INTS10: variants seen among roughly 807,000 people sequenced by gnomAD.
INTS10 encodes chromosome 8 open reading frame 35.
INTS10 carries 44 observed loss-of-function variants against 94.4 expected under a neutral mutation model. The ratio of observed to expected loss-of-function variants is 0.47; its 90% confidence interval spans 0.37 to 0.60. The LOEUF is 0.60. Among genes scored for constraint, INTS10 ranks in the 20% least tolerant of loss-of-function variants. The probability of loss-of-function intolerance (pLI) is 0.00; values close to 1 mark genes in which losing one functional copy is unlikely to be tolerated. For synonymous variants in INTS10, 341 were observed against 320.7 expected (o/e 1.06, Z -0.68); for missense variants, 797 against 868.7 (o/e 0.92, Z 1.04).
chr8:19,829,494 A>G (rs990711719), intron 9 of INTS10, among the ~76,000 whole-genome samples: 4 of 152,088 alleles, frequency 2.6e-5, no homozygotes, highest in African/African-American at 9.7e-5. Flanking sequence ...AGAAATGTGT[A>G]TTGTAAAATA....
chr8:19,827,114 T>C (rs2066858825), intron 9 of INTS10, among the ~76,000 whole-genome samples: 1 of 152,156 alleles, frequency 6.6e-6, no homozygotes, highest in Non-Finnish European at 1.5e-5. Context: ...AGGTAGATTT[T>C]GTTGAGAGGG....
intron 4 of INTS10, chr8:19,821,829 A>G (rs1273662206): frequency 3.9e-5 from 6 of 152,014 alleles, no homozygotes; most frequent in Non-Finnish European, 8.8e-5. Context: ...GTGTGATGTA[A>G]TCTTTCGCAC....
chr8:19,843,323 G>A lies in INTS10; in HGVS notation c.1719+396G>A, dbSNP rs528684651. Among the ~76,000 whole-genome samples, 1 of 152,190 alleles carries A rather than the reference G, an allele frequency of 6.6e-6. No homozygotes were observed. The highest frequency in any genetic ancestry group is 1.9e-4 in the East Asian group (1 of 5,184). ...CTAGATTAAGCATGTTAGGTGTTGA[G>A]ATCAACACCAGTAACAGCCCAACAG... On this transcript the variant is annotated intron_variant, in intron 14 of 16. Transcript: ENST00000397977. The surrounding 1 kb of genome is among the most constrained non-coding windows in gnomAD (Gnocchi z 4.7).
rs1483158285 is a variant in INTS10, at chr8:19,817,676, C to T, written c.129+10C>T. ...AGACTTTAACATCCAGGTGAGGTCC[C>T]GGCTGTGCATGCGGCCGCTCTGCGT... On this transcript the variant is annotated intron_variant, in intron 1 of 16. Transcript: ENST00000397977. 3 of 1,601,260 alleles carry T rather than the reference C, an allele frequency of 1.9e-6. No homozygotes were observed. In the African/African-American group the frequency reaches 4.0e-5, roughly 21 times the overall value.
chr8:19,837,091 G>A lies in INTS10; in HGVS notation c.1570G>A (p.Val524Ile). Residue 524 changes from valine (V) to isoleucine (I), a missense_variant, in exon 13 of 17, where the codon GTA becomes ATA. By Grantham distance (29) the Val-to-Ile change is conservative. Transcript: ENST00000397977. ...AGTCCTTGATTTGATGTGCTACATG[G>A]TACTCCCCATTCAAGATGGAGGCAA... Reference protein sequence around the residue: ...EKVLDLMCYMVLPIQDGGKSQ... With the variant: ...EKVLDLMCYMILPIQDGGKSQ... 1 of 1,613,852 alleles carries A rather than the reference G, an allele frequency of 6.2e-7. No homozygotes were observed. Among genetic ancestry groups the A allele is most frequent in the South Asian group, 1.1e-5 (1 of 91,070 alleles).
chr8:19,839,055 G>A (rs1481669663), intron 13 of INTS10, among the ~76,000 whole-genome samples: 1 of 151,904 alleles, frequency 6.6e-6, no homozygotes, highest in Non-Finnish European at 1.5e-5. Flanking sequence ...CTGGGCGACA[G>A]AGTGAGACTC....
chr8:19,818,258 C>A lies in INTS10; in HGVS notation c.130-17C>A. On this transcript the variant is annotated splice_polypyrimidine_tract_variant and intron_variant, in intron 1 of 16. Transcript: ENST00000397977. ...TGGGCAGGGGTGAGTGACCAGGGTG[C>A]CTGATGTGTGTTGCAGTATGAGATG... is the stretch of plus-strand genomic sequence containing the variant. The A allele has an allele frequency of 6.2e-7, 1 of 1,613,846 alleles. No individual in the cohort carries two copies. The highest frequency in any genetic ancestry group is 8.5e-7 in the Non-Finnish European group (1 of 1,179,750).
Position 19,823,992 on chromosome 8 carries a change from A to C in INTS10, c.784A>C (p.Ile262Leu). The C allele has an allele frequency of 6.2e-7, 1 of 1,613,654 alleles. No individual in the cohort carries two copies. Among genetic ancestry groups the C allele is most frequent in the Non-Finnish European group, 8.5e-7 (1 of 1,179,818 alleles). The change falls in exon 7 of 17, where the codon ATT becomes CTT. Residue 262 changes from isoleucine (I) to leucine (L), a missense_variant. Physicochemically the swap from Ile to Leu is conservative, Grantham distance 5. This residue lies in a region of INTS10 where 734 missense variants were observed against 787.8 expected (regional missense o/e 0.93). Transcript: ENST00000397977. ...GGACCCTTGGGAGAGGTTGTTTAAGATTTTGAATGTTGTTGGAATGAGATG... is the reference window on the plus strand; with the variant it reads ...GGACCCTTGGGAGAGGTTGTTTAAGCTTTTGAATGTTGTTGGAATGAGATG... ...IVDPWERLFK[I>L]LNVVGMRCEW...
In INTS10 at chr8:19,846,433, C is replaced by CAA. The variant is rs71205949; in HGVS notation, c.1976+646_1976+647dup. On this transcript the variant is annotated intron_variant, in intron 16 of 16. Coordinates refer to ENST00000397977, the MANE Select transcript of INTS10 (RefSeq NM_018142.4). This position sits in a 1 kb window ranked among gnomAD's most constrained non-coding sequence, Gnocchi z 4.2. The stretch of plus-strand genomic sequence containing the variant: ...GGGCAACAAGAGTGAAACTCCATCT[C>CAA]AAAAAAAAAAACAAACAAACAAAAC... Among the ~76,000 whole-genome samples, 4 of 147,680 alleles carry CAA rather than the reference C, an allele frequency of 2.7e-5. No individual in the cohort carries two copies. The highest frequency in any genetic ancestry group is 7.5e-5 in the African/African-American group (3 of 39,950).
In INTS10 at chr8:19,817,434, C is replaced by T. The variant is rs1403601185; in HGVS notation, c.-104C>T. 1.4e-5 allele frequency: 20 copies of T among 1,477,034 alleles called. No individual in the cohort carries two copies. The highest frequency in any genetic ancestry group is 2.4e-5 in the East Asian group (1 of 41,124). The allele number at this position is 1,477,034 out of a possible 1,614,324, so 91.5% of individuals were successfully genotyped here. On this transcript the variant is annotated 5_prime_UTR_variant, in exon 1 of 17. Coordinates refer to ENST00000397977, the MANE Select transcript of INTS10 (RefSeq NM_018142.4). ...CGCCTCCAGACATGCGCAGTAGCCTCCCCCGCGGTGGCGGCGGCGGCGGCG... is the reference window on the plus strand; with the variant it reads ...CGCCTCCAGACATGCGCAGTAGCCTTCCCCGCGGTGGCGGCGGCGGCGGCG...
Position 19,849,258 on chromosome 8 carries a change from G to A in INTS10, c.1977-2391G>A, listed in dbSNP as rs917915476. ...CTGACAGGTACCAAGTGGAATCAAC[G>A]CCCGCTCATAGTGTGCTGTTTGTCA... On this transcript the variant is annotated intron_variant, in intron 16 of 16. Transcript: ENST00000397977. The surrounding 1 kb of genome is among the most constrained non-coding windows in gnomAD (Gnocchi z 4.6). 4 of 1,261,716 alleles carry A rather than the reference G, an allele frequency of 3.2e-6. No homozygotes were observed. The East Asian group carries it at 1.7e-4, about 53-fold the overall frequency. 78.2% of individuals were successfully genotyped at this position (1,261,716 alleles called of 1,614,324 possible).
intron 4 of INTS10, chr8:19,821,631 G>C (rs2066382092): frequency 6.6e-6 from 1 of 151,932 alleles, no homozygotes; most frequent in Non-Finnish European, 1.5e-5. Context: ...ACTAGTCATT[G>C]GATTGAGGGC....
intron 6 of INTS10, 134 bp downstream of exon 6, chr8:19,823,575 G>GA (rs1232338670): frequency 4.1e-5 from 28 of 687,518 alleles, no homozygotes; most frequent in South Asian, 7.3e-5. Flanking sequence ...ATGGTATCTA[G>GA]AAAAAAAATA....
At chr8:19,834,376 A>T (rs2067486109) in intron 12 of INTS10, among the ~76,000 whole-genome samples, 1 of 152,224 alleles carries the variant, frequency 6.6e-6, no homozygotes, top group African/African-American at 2.4e-5. Context: ...GAGAATGTGT[A>T]AAGCATTCAA....
chr8:19,829,037 C>T (rs943771847), intron 9 of INTS10, among the ~76,000 whole-genome samples: 1 of 152,164 alleles, frequency 6.6e-6, no homozygotes, highest in Non-Finnish European at 1.5e-5. Flanking sequence ...GAGGTGCTGA[C>T]AGCTTCCTGC....
intron 1 of INTS10, among the ~76,000 whole-genome samples, chr8:19,818,038 G>A (rs2066073788): frequency 6.6e-6 from 1 of 152,158 alleles, no homozygotes; most frequent in Non-Finnish European, 1.5e-5. Flanking sequence ...TTTGTTCAGG[G>A]CCTGCGACTT....
Position 19,843,986 on chromosome 8 carries a change from A to G in INTS10, c.1720-90A>G. ...ACGTTTATCACACATTTGCATATAC[A>G]GCATATTTTTGGAAAGTGATGTTTG... On this transcript the variant is annotated intron_variant, in intron 14 of 16. Coordinates refer to ENST00000397977, the MANE Select transcript of INTS10 (RefSeq NM_018142.4). The surrounding 1 kb of genome is among the most constrained non-coding windows in gnomAD (Gnocchi z 4.7). 3.0e-6 allele frequency: 3 copies of G among 990,838 alleles called. No homozygotes were observed. Among genetic ancestry groups the G allele is most frequent in the South Asian group, 1.7e-5 (1 of 58,870 alleles). 61.4% of individuals were successfully genotyped at this position (990,838 alleles called of 1,614,324 possible).
At position 19,842,832 on chromosome 8, in the gene INTS10, T is replaced by C. The variant is rs1339266270; in HGVS notation, c.1640-16T>C. The C allele has an allele frequency of 3.8e-6, 6 of 1,576,948 alleles. No homozygotes were observed. The highest frequency in any genetic ancestry group is 5.2e-6 in the Non-Finnish European group (6 of 1,146,928). ...ATAATAACATACATTAACCTAACAT[T>C]GTGGACTTCTGTTAGGTTCGGATCT... On this transcript the variant is annotated splice_polypyrimidine_tract_variant and intron_variant, in intron 13 of 16. Coordinates refer to ENST00000397977, the MANE Select transcript of INTS10 (RefSeq NM_018142.4).
chr8:19,836,399 C>T (rs904469635), intron 12 of INTS10, among the ~76,000 whole-genome samples: 1 of 152,160 alleles, frequency 6.6e-6, no homozygotes, highest in East Asian at 1.9e-4. Flanking sequence ...CAGAGGCACT[C>T]GAGGCTCCTC....
Sources: gnomAD v4.1 joint callset for allele counts (sites outside exome capture counted in the v4.1 genomes callset) on GRCh38, gnomAD v4.1.1 for gene constraint, gnomAD v4.1.1 regional missense constraint, Gnocchi (gnomAD v3.1) non-coding constraint, MANE v1.5 for transcripts, NCBI Gene and HGNC (gene_info 2026-07-23, HGNC 2026-07-21) for gene names.